The following WDR18 variants were observed in gnomAD, a reference collection of about 807,000 sequenced individuals.
WDR18 encodes the protein WD repeat domain 18, also known as WD repeat-containing protein 18.
A neutral mutation model predicts 49.6 loss-of-function variants in WDR18; 33 were observed. The ratio of observed to expected loss-of-function variants is 0.67; its 90% CI spans 0.50 to 0.89. The LOEUF (loss-of-function observed/expected upper bound fraction) is 0.89, where lower values mean the gene tolerates loss of function less well. Among genes scored for constraint, WDR18 ranks in the 40% least tolerant of loss-of-function variants. The pLI, the probability that WDR18 is intolerant of heterozygous loss-of-function variation, is 0.00. For synonymous variants in WDR18, 315 were observed against 263.6 expected (o/e 1.19, Z -1.89); for missense variants, 653 against 593.6 (o/e 1.10, Z -1.04).
Position 989,421 on chromosome 19 carries a change from C to T in WDR18, c.322-341C>T, listed in dbSNP as rs539572069. On this transcript the variant is annotated intron_variant, in intron 2 of 9. Coordinates refer to ENST00000585809, the MANE Select transcript of WDR18 (RefSeq NM_024100.4). ...CCTGCAGGTCCTGAGTGCAGCCGTT[C>T]CTACGGGGCCCACACAGGACGCCTG... is the stretch of plus-strand genomic sequence containing the variant. Among the ~76,000 whole-genome samples the T allele has an allele frequency of 4.6e-5, 7 of 152,296 alleles. No homozygotes were observed. In the South Asian group the frequency reaches 1.4e-3, roughly 32 times the overall value.
rs762859652 is a variant in WDR18 at position 994,044 on chromosome 19, C to G, written c.1123C>G (p.Arg375Gly). 3.2e-6 allele frequency: 5 copies of G among 1,559,708 alleles called. No individual in the cohort carries two copies. The highest frequency in any genetic ancestry group is 4.8e-5 in the East Asian group (2 of 41,632). ...QQGSEPSYLD[R>G]TEQLQAVLCS... ...GGGCTCGGAGCCCAGCTACCTGGAC[C>G]GCACGGAGCAGCTGCAGGCCGTCCT... Residue 375 changes from arginine to glycine, a missense_variant, in exon 9 of 10, where the codon CGC becomes GGC. Arg to Gly is a moderately radical substitution (Grantham distance 125). Coordinates refer to ENST00000585809, the MANE Select transcript of WDR18 (RefSeq NM_024100.4).
chr19:985,807 T>C, intron 1 of WDR18, 58 bp from the exon 2 acceptor site: 1 of 1,556,278 alleles, frequency 6.4e-7, no homozygotes, highest in Non-Finnish European at 8.9e-7. Flanking sequence ...CGCCCTCCAC[T>C]GCTGTAGTAG....
rs754063305 is a variant in WDR18 at position 994,363 on chromosome 19, C to G, written c.*19C>G. 2.5e-6 allele frequency: 4 copies of G among 1,598,110 alleles called. No individual in the cohort carries two copies. Among genetic ancestry groups the G allele is most frequent in the Non-Finnish European group, 8.5e-7 (1 of 1,174,596 alleles). ...CAAGTGAGGCCCGGAGACCCCGGCC[C>G]GAGGCGCCCAGGCCTGAGCCCCATG... is the stretch of plus-strand genomic sequence containing the variant. On this transcript the variant is annotated 3_prime_UTR_variant, in exon 10 of 10. Transcript: ENST00000585809.
At chr19:992,287 C>T (rs1025963135) in intron 8 of WDR18, among the ~76,000 whole-genome samples, 166 bp downstream of exon 8, 2 of 152,328 alleles carry the variant, frequency 1.3e-5, no homozygotes, top group African/African-American at 4.8e-5. Flanking sequence ...GGTGGGGCCT[C>T]TGCCCACTCT....
At chr19:987,054 C>T (rs1162385138) in intron 2 of WDR18, among the ~76,000 whole-genome samples, 4 of 152,114 alleles carry the variant, frequency 2.6e-5, no homozygotes, top group Non-Finnish European at 5.9e-5. Context: ...ATAAAAAAGC[C>T]ACCAGGGGAT....
In WDR18 at chr19:984,579, C is replaced by A; in HGVS notation, c.210+16C>A. ...CCAGCGGAAGGTGCGGCGGTGCGGT[C>A]TCGCTGCTGGGGTCATGGGGCGCCC... On this transcript the variant is annotated intron_variant, in intron 1 of 9. Coordinates refer to ENST00000585809, the MANE Select transcript of WDR18 (RefSeq NM_024100.4). The A allele has an allele frequency of 2.1e-6, 3 of 1,446,610 alleles. No homozygotes were observed. Among genetic ancestry groups the A allele is most frequent in the Non-Finnish European group, 2.7e-6 (3 of 1,099,798 alleles). The allele number at this position is 1,446,610 out of a possible 1,614,324, so 89.6% of individuals were successfully genotyped here. A position where few individuals can be genotyped will look rare whatever the true frequency, so the allele number is the denominator to read the frequency against.
intron 8 of WDR18, among the ~76,000 whole-genome samples, chr19:993,743 G>A (rs2038591730): frequency 6.6e-6 from 1 of 152,118 alleles, no homozygotes; most frequent in Non-Finnish European, 1.5e-5. Flanking sequence ...CCCTGTCTGT[G>A]GTGTGGCCAT....
At chr19:984,782 C>T (rs2038458016) in intron 1 of WDR18, among the ~76,000 whole-genome samples, 1 of 146,492 alleles carries the variant, frequency 6.8e-6, no homozygotes, top group Non-Finnish European at 1.5e-5. Flanking sequence ...CAGGCCTGAG[C>T]TGCTATGGGG....
intron 3 of WDR18, 155 bp downstream of exon 3, chr19:990,050 C>A: frequency 7.1e-7 from 1 of 1,399,648 alleles, no homozygotes; most frequent in Non-Finnish European, 9.4e-7. Context: ...GCTGCCCACA[C>A]TGGGGTCTGG....
chr19:991,219 C>G lies in WDR18; in HGVS notation c.807-8C>G. On this transcript the variant is annotated splice_polypyrimidine_tract_variant and splice_region_variant and intron_variant, in intron 6 of 9. Coordinates refer to ENST00000585809, the MANE Select transcript of WDR18 (RefSeq NM_024100.4). ...CACGTCCCAGGTGACCCCTGTCTGT[C>G]TGTCCAGGAACCAGGTGACTTGCCT... 1 of 1,568,196 alleles carries G rather than the reference C, an allele frequency of 6.4e-7. No individual in the cohort carries two copies.
intron 3 of WDR18, 136 bp downstream of exon 3, chr19:990,031 G>T: frequency 7.0e-7 from 1 of 1,434,034 alleles, no homozygotes; most frequent in East Asian, 2.4e-5. Context: ...GATCATCCCA[G>T]GGGTCCTGGC....
intron 8 of WDR18, among the ~76,000 whole-genome samples, chr19:992,417 C>T (rs924785383): frequency 6.6e-6 from 1 of 152,254 alleles, no homozygotes; most frequent in African/African-American, 2.4e-5. Context: ...TCAGTTAGGT[C>T]TTTCTGCAAA....
At position 993,295 on chromosome 19, in the gene WDR18, C is replaced by T. The variant is rs150928207; in HGVS notation, c.1099-725C>T. Among the ~76,000 whole-genome samples the T allele has an allele frequency of 1.4e-3, 212 of 152,368 alleles. 1 individual carries two copies. The East Asian group carries it at 0.026, about 19-fold the overall frequency. On this transcript the variant is annotated intron_variant, in intron 8 of 9. Coordinates refer to ENST00000585809, the MANE Select transcript of WDR18 (RefSeq NM_024100.4). ...CCTCCTAGGGCAGCAGCGGTTCCCA[C>T]GATTCCTGCCCAGCCAAGCGCTCTC...
chr19:990,387 C>G, intron 4 of WDR18, 23 bp downstream of exon 4: 1 of 1,517,254 alleles, frequency 6.6e-7, no homozygotes, highest in Non-Finnish European at 8.8e-7. Context: ...CACCCCACCA[C>G]GGTCCATGAG....
chr19:990,083 C>T, intron 3 of WDR18, 140 bp from the exon 4 acceptor site: 2 of 1,384,230 alleles, frequency 1.4e-6, no homozygotes, highest in Non-Finnish European at 9.5e-7. Flanking sequence ...GCCGTGGGGG[C>T]CCAGCCTTGA....
intron 2 of WDR18, among the ~76,000 whole-genome samples, chr19:987,829 G>GCTTTTTTTTTTTTTTTT (rs2038490449): frequency 1.1e-5 from 1 of 91,806 alleles, no homozygotes; most frequent in African/African-American, 5.3e-5. Context: ...GCCGCCTCCA[G>GCTTTTTTTTTTTTTTTT]TTTTTTTTTT....
rs550924397 is a variant in WDR18, at chr19:991,951, C to T, written c.932-4C>T. On this transcript the variant is annotated splice_region_variant and splice_polypyrimidine_tract_variant and intron_variant, in intron 7 of 9. Coordinates refer to ENST00000585809, the MANE Select transcript of WDR18 (RefSeq NM_024100.4). ...GGGCGGGGCCTGACCTCCGCGCCCC[C>T]CAGGCCCAGTCACCAATGCCGCCAT... 2 of 1,580,656 alleles carry T rather than the reference C, an allele frequency of 1.3e-6. No individual in the cohort carries two copies. The highest frequency in any genetic ancestry group is 1.7e-6 in the Non-Finnish European group (2 of 1,170,198).
Position 986,338 on chromosome 19 carries a change from G to C in WDR18, c.321+363G>C, listed in dbSNP as rs574027099. 2.6e-5 allele frequency among the ~76,000 whole-genome samples: 4 copies of C among 152,304 alleles called. No individual in the cohort carries two copies. In the South Asian group the frequency reaches 8.3e-4, roughly 32 times the overall value. On this transcript the variant is annotated intron_variant, in intron 2 of 9. Coordinates refer to ENST00000585809, the MANE Select transcript of WDR18 (RefSeq NM_024100.4). ...CGGCCGGGCGCAGTGGCTCATGCCG[G>C]TAGTCAATGCAACCTCTGCCTCCCA...
rs375148723 is a variant in WDR18 at position 991,989 on chromosome 19, C to T, written c.966C>T (p.Pro322=). The part of the protein sequence containing the change: ...PVTNAAILLA[P]VSMLSSDFRP... ...CCAATGCCGCCATCCTGCTGGCGCC[C>T]GTCAGCATGCTGAGCTCAGACTTCA... Residue 322 remains proline (P), a synonymous_variant, in exon 8 of 10, where the codon CCC becomes CCT. Transcript: ENST00000585809. 3 of 1,596,906 alleles carry T rather than the reference C, an allele frequency of 1.9e-6. No homozygotes were observed. Among genetic ancestry groups the T allele is most frequent in the East Asian group, 2.3e-5 (1 of 43,880 alleles).
Sources: allele counts gnomAD v4.1 joint callset (sites outside exome capture counted in the v4.1 genomes callset), GRCh38; gene constraint gnomAD v4.1.1; transcripts MANE v1.5; gene names NCBI Gene and HGNC (gene_info 2026-07-23, HGNC 2026-07-21).